Variants in STARD9 observed in about 807,000 individuals in gnomAD.
STARD9 encodes StAR related lipid transfer domain containing 9, also known as stAR-related lipid transfer protein 9.
In STARD9, 346 loss-of-function variants were observed where a neutral mutation model predicts 399.8. The observed-to-expected ratio is 0.87, with a 90% CI of 0.79 to 0.95. The LOEUF (loss-of-function observed/expected upper bound fraction) is 0.95. STARD9 is among the 40% of genes least tolerant of loss of function. STARD9 has a pLI of 0.00. For synonymous variants in STARD9, 2,203 were observed against 2,143.5 expected, an observed-to-expected ratio of 1.03 and a Z score of -0.77; for missense variants, 5,832 against 5,667.5, an observed-to-expected ratio of 1.03 and a Z score of -0.93.
At chr15:42,636,292 C>A (rs2141922661) in intron 4 of STARD9, among the ~76,000 whole-genome samples, 1 of 152,106 alleles carries the variant, frequency 6.6e-6, no homozygotes, top group East Asian at 1.9e-4. Context: ...GAGTAAGAGA[C>A]CCTGTCTCAG....
rs1317510822 is a variant in STARD9, at chr15:42,687,740, A to G, written c.6162A>G (p.Val2054=). The G allele has an allele frequency of 6.5e-7, 1 of 1,537,566 alleles. No homozygotes were observed. The highest frequency in any genetic ancestry group is 8.7e-7 in the Non-Finnish European group (1 of 1,146,986). The change falls in exon 23 of 33, where the codon GTA becomes GTG. Residue 2054 remains valine, a synonymous_variant. Coordinates refer to ENST00000290607, the MANE Select transcript of STARD9 (RefSeq NM_020759.3). The part of the protein sequence containing the change: ...TDEMARLIRS[V]MQLENGILEI... ...AAATGGCTAGGCTAATTAGGAGTGT[A>G]ATGCAGCTGGAAAATGGCATCTTAG...
chr15:42,687,837 C>T lies in STARD9; in HGVS notation c.6259C>T (p.Gln2087Ter). 1 of 1,537,320 alleles carries T rather than the reference C, an allele frequency of 6.5e-7. No individual in the cohort carries two copies. The highest frequency in any genetic ancestry group is 8.7e-7 in the Non-Finnish European group (1 of 1,146,978). ...TPGTDKELVF[Q>*]DQKEQEKTDH... ...AGGAACCGATAAGGAGTTGGTGTTC[C>T]AGGACCAGAAGGAGCAGGAGAAGAC... The change falls in exon 23 of 33, where the codon CAG becomes TAG. Residue 2087 changes from glutamine (Q) to a stop codon, truncating the protein, a stop_gained. Transcript: ENST00000290607. LOFTEE classifies it high-confidence loss of function.
intron 7 of STARD9, among the ~76,000 whole-genome samples, chr15:42,650,286 A>G (rs1173973207): frequency 6.6e-6 from 1 of 152,094 alleles, no homozygotes; most frequent in Non-Finnish European, 1.5e-5. Flanking sequence ...GTGTAATTGT[A>G]TTTAGCAATA....
In STARD9 at chr15:42,695,278, A is replaced by T; in HGVS notation, c.13101A>T (p.Gln4367His). 6.5e-7 allele frequency: 1 copy of T among 1,536,950 alleles called. No individual in the cohort carries two copies. Among genetic ancestry groups the T allele is most frequent in the Non-Finnish European group, 8.7e-7 (1 of 1,146,704 alleles). ...ACCAACTGCGGGAGCGGACTGAACA[A>T]GAGAAGCTGAGAATCCACCAGAAGA... The part of the protein sequence containing the change: ...ARDQLRERTE[Q>H]EKLRIHQKII... The change falls in exon 25 of 33, where the codon CAA becomes CAT. Residue 4367 changes from glutamine to histidine, a missense_variant. By Grantham distance (24) the Gln-to-His change is conservative. Transcript: ENST00000290607.
rs2060710882 is a variant in STARD9 at position 42,691,771 on chromosome 15, G to A, written c.10193G>A (p.Arg3398Lys). 2 of 1,537,260 alleles carry A rather than the reference G, an allele frequency of 1.3e-6. No individual in the cohort carries two copies. Among genetic ancestry groups the A allele is most frequent in the Non-Finnish European group, 1.7e-6 (2 of 1,146,916 alleles). Residue 3398 changes from arginine to lysine, a missense_variant, in exon 23 of 33, where the codon AGG becomes AAG. Around this residue, in one of 2 missense-constraint regions of STARD9, gnomAD observed 5,828 missense variants for 5,651.1 expected, o/e 1.03. Transcript: ENST00000290607. ...SRLDDGTTDH[R>K]HLKPATPPYP... ...TTGGATGATGGGACTACCGATCACAGGCACCTGAAGCCTGCCACCCCTCCT... is the reference window on the plus strand; with the variant it reads ...TTGGATGATGGGACTACCGATCACAAGCACCTGAAGCCTGCCACCCCTCCT...
Position 42,691,056 on chromosome 15 carries a change from C to T in STARD9, c.9478C>T (p.Gln3160Ter). 1 of 1,537,194 alleles carries T rather than the reference C, an allele frequency of 6.5e-7. No individual in the cohort carries two copies. Reference protein sequence around the residue: ...SAESKLVVEPQHECLENTTRC... With the variant: ...SAESKLVVEP ...TGAGAGCAAGTTGGTGGTAGAGCCA[C>T]AGCATGAATGTTTAGAAAATACCAC... The change falls in exon 23 of 33, where the codon CAG (glutamine) becomes TAG (stop). Residue 3160 changes from glutamine (Q) to a stop codon, truncating the protein, a stop_gained. Transcript: ENST00000290607. LOFTEE classifies it high-confidence loss of function.
At chr15:42,664,136 A>G (rs773921544) in intron 13 of STARD9, among the ~76,000 whole-genome samples, 2 of 152,072 alleles carry the variant, frequency 1.3e-5, no homozygotes, top group African/African-American at 2.4e-5. Context: ...TATTTCAGAT[A>G]CTTCTCTAAG....
chr15:42,688,443 G>C lies in STARD9; in HGVS notation c.6865G>C (p.Glu2289Gln), dbSNP rs2060613543. The C allele has an allele frequency of 6.5e-6, 10 of 1,537,748 alleles. No homozygotes were observed. The highest frequency in any genetic ancestry group is 8.7e-6 in the Non-Finnish European group (10 of 1,147,040). ...PMQRGGSLQE[E>Q]NKVTQKFPSL... ...GCAAAGGGGAGGCAGCCTTCAGGAA[G>C]AAAATAAAGTGACTCAGAAATTTCC... The change falls in exon 23 of 33, where the codon GAA (glutamate) becomes CAA (glutamine). Residue 2289 changes from glutamate (E) to glutamine (Q), a missense_variant. Glu to Gln is a conservative substitution (Grantham distance 29). Coordinates refer to ENST00000290607, the MANE Select transcript of STARD9 (RefSeq NM_020759.3).
At chr15:42,637,747 A>G (rs1263790991) in intron 4 of STARD9, among the ~76,000 whole-genome samples, 160 bp from the exon 5 acceptor site, 1 of 152,178 alleles carries the variant, frequency 6.6e-6, no homozygotes, top group Non-Finnish European at 1.5e-5. Flanking sequence ...CTGGCACATA[A>G]AAGTCTTCTA....
chr15:42,693,469 G>T lies in STARD9; in HGVS notation c.11891G>T (p.Gly3964Val). Residue 3964 changes from glycine to valine, a missense_variant, in exon 23 of 33, where the codon GGT becomes GTT. Physicochemically the swap from Gly to Val is moderately radical, Grantham distance 109. Coordinates refer to ENST00000290607, the MANE Select transcript of STARD9 (RefSeq NM_020759.3). ...TTDELGGSQR[G>V]RSSLQRSNGR... ...GACGAGTTAGGTGGCTCCCAGAGAG[G>T]TAGAAGTTCCTTACAAAGGAGTAAT... is the stretch of plus-strand genomic sequence containing the variant. 1 of 1,537,238 alleles carries T rather than the reference G, an allele frequency of 6.5e-7. No individual in the cohort carries two copies. Among genetic ancestry groups the T allele is most frequent in the Non-Finnish European group, 8.7e-7 (1 of 1,146,916 alleles).
intron 9 of STARD9, among the ~76,000 whole-genome samples, chr15:42,654,188 G>C (rs191914334): frequency 1.3e-5 from 2 of 152,166 alleles, no homozygotes; most frequent in African/African-American, 4.8e-5. Context: ...AAGAACAGAG[G>C]AACAAAGGAG....
intron 1 of STARD9, 93 bp downstream of exon 1, chr15:42,575,855 G>A (rs756324254): frequency 7.2e-7 from 1 of 1,384,778 alleles, no homozygotes; most frequent in Non-Finnish European, 9.9e-7. Context: ...CTGGCGCGCA[G>A]AAATCGGTGA....
Position 42,695,748 on chromosome 15 carries a change from G to C in STARD9, c.13152G>C (p.Glu4384Asp), listed in dbSNP as rs1309411097. The C allele has an allele frequency of 6.5e-7, 1 of 1,537,110 alleles. No homozygotes were observed. Among genetic ancestry groups the C allele is most frequent in the Non-Finnish European group, 8.7e-7 (1 of 1,146,786 alleles). Residue 4384 changes from glutamate (E) to aspartate (D), a missense_variant, in exon 26 of 33, where the codon GAG (glutamate) becomes GAC (aspartate). Coordinates refer to ENST00000290607, the MANE Select transcript of STARD9 (RefSeq NM_020759.3). Reference sequence around the variant, plus strand: ...TGGTGATTTGTCCTTCCCAGGAAGAGGATAAACTACATACCTTGGCCAATT... The same window carrying C: ...TGGTGATTTGTCCTTCCCAGGAAGACGATAAACTACATACCTTGGCCAATT... Reference protein sequence around the residue: ...QKIISQLLKEEDKLHTLANSS... With the variant: ...QKIISQLLKEDDKLHTLANSS...
At chr15:42,661,057 A>G in intron 9 of STARD9, 101 bp from the exon 10 acceptor site, 1 of 814,418 alleles carries the variant, frequency 1.2e-6, no homozygotes, top group East Asian at 2.7e-5. Flanking sequence ...TGTTGAGTGA[A>G]TTGGATAAAA....
At position 42,686,493 on chromosome 15, in the gene STARD9, C is replaced by G; in HGVS notation, c.4915C>G (p.Pro1639Ala). The change falls in exon 23 of 33, where the codon CCT (proline) becomes GCT (alanine). Residue 1639 changes from proline to alanine, a missense_variant. By Grantham distance (27) the Pro-to-Ala change is conservative (BLOSUM62 -1). This residue lies in a region of STARD9 where 5,828 missense variants were observed against 5,651.1 expected (regional missense o/e 1.03). Transcript: ENST00000290607. ...AGAATGCCTTCAGAGTTGCAGGAAA[C>G]CTGGACTGATGACTTCCTCTGATGA... is the stretch of plus-strand genomic sequence containing the variant. ...LEECLQSCRK[P>A]GLMTSSDEDF... The G allele has an allele frequency of 6.5e-7, 1 of 1,537,790 alleles. No individual in the cohort carries two copies. Among genetic ancestry groups the G allele is most frequent in the African/African-American group, 1.4e-5 (1 of 73,150 alleles).
chr15:42,621,844 C>T (rs1029412643), intron 3 of STARD9, among the ~76,000 whole-genome samples: 1 of 152,202 alleles, frequency 6.6e-6, no homozygotes, highest in Non-Finnish European at 1.5e-5. Flanking sequence ...AAACCAAGTT[C>T]TGGGTGCTAG....
rs905702107 is a variant in STARD9 at position 42,691,945 on chromosome 15, A to G, written c.10367A>G (p.Lys3456Arg). 6.5e-7 allele frequency: 1 copy of G among 1,537,268 alleles called. No homozygotes were observed. Among genetic ancestry groups the G allele is most frequent in the Non-Finnish European group, 8.7e-7 (1 of 1,146,906 alleles). ...GAAAATTGGTGCTCTCAGATGGACA[A>G]AGGAATGCTGCACTTTGGCTCCAGT... is the stretch of plus-strand genomic sequence containing the variant. ...RPENWCSQMDKGMLHFGSSDI... is the reference protein window; with the variant it reads ...RPENWCSQMDRGMLHFGSSDI... Residue 3456 changes from lysine (K) to arginine (R), a missense_variant, in exon 23 of 33, where the codon AAA becomes AGA. Lys to Arg is a conservative substitution (Grantham distance 26). Around this residue, in one of 2 missense-constraint regions of STARD9, gnomAD observed 5,828 missense variants for 5,651.1 expected, o/e 1.03. Coordinates refer to ENST00000290607, the MANE Select transcript of STARD9 (RefSeq NM_020759.3).
At chr15:42,599,058 G>C (rs2058572325) in intron 3 of STARD9, among the ~76,000 whole-genome samples, 1 of 151,986 alleles carries the variant, frequency 6.6e-6, no homozygotes, top group African/African-American at 2.4e-5. Flanking sequence ...CAAGTAGCTG[G>C]GATTACAGGC....
In STARD9 at chr15:42,690,151, C is replaced by T. The variant is rs569980761; in HGVS notation, c.8573C>T (p.Pro2858Leu). ...AGTCCCAAACAAGATACCATTCTGCCTGGAGCTCTGACAAGGGTTGCACTG... is the reference window on the plus strand; with the variant it reads ...AGTCCCAAACAAGATACCATTCTGCTTGGAGCTCTGACAAGGGTTGCACTG... ...RASPKQDTIL[P>L]GALTRVALEA... Residue 2858 changes from proline (P) to leucine (L), a missense_variant, in exon 23 of 33, where the codon CCT (proline) becomes CTT (leucine). Around this residue, in one of 2 missense-constraint regions of STARD9, gnomAD observed 5,828 missense variants for 5,651.1 expected, o/e 1.03. Transcript: ENST00000290607. 9 of 1,537,802 alleles carry T rather than the reference C, an allele frequency of 5.9e-6. No homozygotes were observed. Among genetic ancestry groups the T allele is most frequent in the African/African-American group, 1.4e-5 (1 of 73,172 alleles).
Sources: allele counts gnomAD v4.1 joint callset (sites outside exome capture counted in the v4.1 genomes callset), GRCh38; gene constraint gnomAD v4.1.1; regional missense constraint gnomAD v4.1.1; transcripts MANE v1.5; gene names NCBI Gene and HGNC (gene_info 2026-07-23, HGNC 2026-07-21).